The following KCNN3 variants were observed in gnomAD, a reference collection of about 807,000 sequenced individuals.
KCNN3 encodes the protein small conductance calcium-activated potassium channel protein 3.
A neutral mutation model predicts 62.9 loss-of-function variants in KCNN3; 16 were observed. The ratio of observed to expected loss-of-function variants is 0.25; its 90% CI spans 0.17 to 0.39. The LOEUF is 0.39. Ranked by LOEUF, KCNN3 falls within the 10% of genes least tolerant of loss-of-function variation. The pLI is 1.00. For missense variants in KCNN3, 599 were observed against 949.4 expected, an observed-to-expected ratio of 0.63 and a Z score of 4.85; for synonymous variants, 370 against 389.2, an observed-to-expected ratio of 0.95 and a Z score of 0.58.
At chr1:154,847,193 C>T (rs746366780) in intron 1 of KCNN3, among the ~76,000 whole-genome samples, 6 of 151,978 alleles carry the variant, frequency 3.9e-5, no homozygotes, top group African/African-American at 7.3e-5. Flanking sequence ...TCTCCTGGAA[C>T]CCTCCTCACT....
At chr1:154,859,962 A>G in intron 1 of KCNN3, 1 of 775,914 alleles carries the variant, frequency 1.3e-6, no homozygotes, top group South Asian at 1.8e-5. Flanking sequence ...CTGTTCATTT[A>G]GTATCATCAA....
Position 154,731,670 on chromosome 1 carries a change from C to T in KCNN3, c.1590+1333G>A, listed in dbSNP as rs73005407. 3.8e-3 allele frequency among the ~76,000 whole-genome samples: 580 copies of T among 152,086 alleles called. 2 individuals carry two copies. Among genetic ancestry groups the T allele is most frequent in the African/African-American group, 0.012 (493 of 41,454 alleles). On this transcript the variant is annotated intron_variant, in intron 4 of 7. Transcript: ENST00000271915. ...GGGTCTTCATCTCTTCTGGAGGCAACGGGGGTGACAAATGGAATCTGAGGG... is the reference window on the plus strand; with the variant it reads ...GGGTCTTCATCTCTTCTGGAGGCAATGGGGGTGACAAATGGAATCTGAGGG...
intron 2 of KCNN3, among the ~76,000 whole-genome samples, chr1:154,775,166 C>A (rs1648736760): frequency 6.6e-6 from 1 of 152,222 alleles, no homozygotes; most frequent in African/African-American, 2.4e-5. Flanking sequence ...CAAAGTTAGT[C>A]ACCAAGCAGC....
chr1:154,838,401 G>T (rs944303955), intron 1 of KCNN3, among the ~76,000 whole-genome samples: 1 of 151,976 alleles, frequency 6.6e-6, no homozygotes, highest in Non-Finnish European at 1.5e-5. Context: ...TCCCTTCTGC[G>T]GCTCCCCACA....
rs1652790105 is a variant in KCNN3 at position 154,862,011 on chromosome 1, T to A, written c.933+7021A>T. ...CCCATGACAGAGCTCAACAGAGGCA[T>A]GAGGCACAGACAGGGACGCAGGAAA... On this transcript the variant is annotated intron_variant, in intron 1 of 7. Coordinates refer to ENST00000271915, the MANE Select transcript of KCNN3 (RefSeq NM_002249.6). The surrounding 1 kb of genome is among the most constrained non-coding windows in gnomAD (Gnocchi z 4.1). Among the ~76,000 whole-genome samples the A allele has an allele frequency of 6.6e-6, 1 of 152,086 alleles. No homozygotes were observed. Among genetic ancestry groups the A allele is most frequent in the Admixed American group, 6.5e-5 (1 of 15,276 alleles).
At chr1:154,708,918 C>T (rs974249118) in intron 7 of KCNN3, among the ~76,000 whole-genome samples, 2 of 152,152 alleles carry the variant, frequency 1.3e-5, no homozygotes, top group African/African-American at 2.4e-5. Context: ...TGTGGCCCTT[C>T]GCCTGCCTGA....
At chr1:154,754,803 A>G (rs1278763814) in intron 3 of KCNN3, among the ~76,000 whole-genome samples, 1 of 152,158 alleles carries the variant, frequency 6.6e-6, no homozygotes, top group Non-Finnish European at 1.5e-5. Context: ...TGTTTAAGCT[A>G]TTGTTGTTTT....
chr1:154,732,908 C>A, intron 4 of KCNN3, 95 bp downstream of exon 4: 1 of 1,416,832 alleles, frequency 7.1e-7, no homozygotes, highest in Non-Finnish European at 1.0e-6. Flanking sequence ...CCACCCCCCG[C>A]TCTGCGGCTA....
intron 2 of KCNN3, among the ~76,000 whole-genome samples, chr1:154,779,915 G>A (rs1220565541): frequency 6.6e-6 from 1 of 152,182 alleles, no homozygotes; most frequent in Non-Finnish European, 1.5e-5. Context: ...GGGAGTCCAG[G>A]TCTGACCTTT....
chr1:154,756,435 C>A (rs1479385955), intron 3 of KCNN3, among the ~76,000 whole-genome samples: 1 of 152,154 alleles, frequency 6.6e-6, no homozygotes, highest in Non-Finnish European at 1.5e-5. Context: ...GCACTCAGGG[C>A]CCTTCACTTT....
At chr1:154,739,933 G>A (rs150551210) in intron 3 of KCNN3, among the ~76,000 whole-genome samples, 1 of 152,354 alleles carries the variant, frequency 6.6e-6, no homozygotes, top group East Asian at 1.9e-4. Context: ...AATCTCATGA[G>A]AGAACTTGAG....
Position 154,827,747 on chromosome 1 carries a change from C to T in KCNN3, c.934-5563G>A, listed in dbSNP as rs895497803. 4.6e-5 allele frequency among the ~76,000 whole-genome samples: 7 copies of T among 151,568 alleles called. No individual in the cohort carries two copies. The East Asian group carries it at 5.8e-4, about 13-fold the overall frequency. On this transcript the variant is annotated intron_variant, in intron 1 of 7. Transcript: ENST00000271915. ...CCAGGAGGCAGAAGTTGCAGTGAAC[C>T]GAGATCACACCACTGCACTCCAGCC...
chr1:154,726,342 T>C (rs918089707), intron 4 of KCNN3, among the ~76,000 whole-genome samples: 1 of 152,098 alleles, frequency 6.6e-6, no homozygotes, highest in Non-Finnish European at 1.5e-5. Flanking sequence ...AACCAACAAC[T>C]AAGCACCTGG....
intron 3 of KCNN3, among the ~76,000 whole-genome samples, chr1:154,748,761 G>C (rs1700992887): frequency 6.6e-6 from 1 of 152,212 alleles, no homozygotes; most frequent in African/African-American, 2.4e-5. Context: ...AGGATTTCAA[G>C]ACCAGACTGG....
chr1:154,813,141 G>A (rs965709518), intron 2 of KCNN3, among the ~76,000 whole-genome samples: 1 of 151,454 alleles, frequency 6.6e-6, no homozygotes, highest in Admixed American at 6.6e-5. Context: ...CTGGCCTCTC[G>A]TCCCATGTAG....
chr1:154,715,537 TTCTTTCTTTC>T (rs528169931), intron 5 of KCNN3, among the ~76,000 whole-genome samples: 1,938 of 152,186 alleles, frequency 0.013, 38 homozygotes, highest in African/African-American at 0.045. Context: ...GGGTCTTTCT[TTCTTTCTTTC>T]TCTTTCTTTC....
At chr1:154,746,165 G>C (rs1460247152) in intron 3 of KCNN3, among the ~76,000 whole-genome samples, 1 of 152,184 alleles carries the variant, frequency 6.6e-6, no homozygotes, top group Admixed American at 6.5e-5. Context: ...TGTGTGCCTG[G>C]CTTGGTGCCT....
chr1:154,836,145 G>A (rs1028717139), intron 1 of KCNN3, among the ~76,000 whole-genome samples: 13 of 152,188 alleles, frequency 8.5e-5, no homozygotes, highest in African/African-American at 2.7e-4. Context: ...GAATGTGTCC[G>A]TGCCAGAAAA....
At chr1:154,741,995 C>A (rs771636618) in intron 3 of KCNN3, among the ~76,000 whole-genome samples, 4 of 152,256 alleles carry the variant, frequency 2.6e-5, no homozygotes, top group Non-Finnish European at 5.9e-5. Flanking sequence ...CGGCCTCTGA[C>A]CCCACCGGTG....
Sources: allele counts gnomAD v4.1 joint callset (sites outside exome capture counted in the v4.1 genomes callset), GRCh38; gene constraint gnomAD v4.1.1; non-coding constraint Gnocchi (gnomAD v3.1); transcripts MANE v1.5; gene names NCBI Gene and HGNC (gene_info 2026-07-23, HGNC 2026-07-21).